DENND2B: variants seen among roughly 807,000 people sequenced by gnomAD.
DENND2B encodes DENN domain-containing protein 2B.
A neutral mutation model predicts 116.0 loss-of-function variants in DENND2B; 32 were observed. The observed-to-expected ratio is 0.28, with a 90% CI of 0.21 to 0.37. DENND2B has a LOEUF of 0.37. Among genes scored for constraint, DENND2B ranks in the 10% least tolerant of loss-of-function variants. DENND2B has a pLI of 1.00. For synonymous variants in DENND2B, 588 were observed against 583.9 expected (o/e 1.01, Z -0.10); for missense variants, 1,276 against 1,477.7 (o/e 0.86, Z 2.24).
At chr11:8,696,259 A>G (rs971186470) in intron 18 of DENND2B, among the ~76,000 whole-genome samples, 168 bp downstream of exon 18, 2 of 152,210 alleles carry the variant, frequency 1.3e-5, no homozygotes, top group Non-Finnish European at 2.9e-5. Flanking sequence ...GAAGGCATTT[A>G]CTGGGGCCGG....
intron 2 of DENND2B, among the ~76,000 whole-genome samples, chr11:8,741,868 C>T (rs145409456): frequency 1.6e-3 from 246 of 152,218 alleles, no homozygotes; most frequent in African/African-American, 5.6e-3. Flanking sequence ...AGCTACTGAG[C>T]CCCACCACAA....
chr11:8,743,582 A>G (rs1281075088), intron 2 of DENND2B, among the ~76,000 whole-genome samples: 1 of 152,044 alleles, frequency 6.6e-6, no homozygotes, highest in Non-Finnish European at 1.5e-5. Context: ...AATTACTTAA[A>G]GTGTTGCCTC....
chr11:8,694,153 G>A, intron 19 of DENND2B, 23 bp from the exon 20 acceptor site: 1 of 1,614,132 alleles, frequency 6.2e-7, no homozygotes, highest in South Asian at 1.1e-5. Context: ...GAGGACAAGA[G>A]AGAATGTTCA....
At chr11:8,835,881 T>C (rs911529275) in intron 4 of DENND2B, among the ~76,000 whole-genome samples, 2 of 152,174 alleles carry the variant, frequency 1.3e-5, no homozygotes, top group African/African-American at 2.4e-5. Context: ...CTACGGGGAA[T>C]GCTCACTGCC....
chr11:8,701,139 T>C (rs187522720), intron 14 of DENND2B, among the ~76,000 whole-genome samples: 2 of 152,288 alleles, frequency 1.3e-5, no homozygotes, highest in Non-Finnish European at 2.9e-5. Flanking sequence ...GCCCCGGCTC[T>C]TAGAGCCAGG....
chr11:8,698,972 C>T lies in DENND2B; in HGVS notation c.2901G>A (p.Ala967=), dbSNP rs780389190. The part of the protein sequence containing the change: ...PKLKELPVEE[A]LMVNLGSDRF... Reference sequence around the variant, plus strand: ...GGTCAGATCCCAGATTCACCATCAGCGCCTGAGAAAAGGAGTCATTAGCAG... The same window carrying T: ...GGTCAGATCCCAGATTCACCATCAGTGCCTGAGAAAAGGAGTCATTAGCAG... The change falls in exon 16 of 20, where the codon GCG becomes GCA. Residue 967 remains alanine, a splice_region_variant and synonymous_variant. Transcript: ENST00000313726. 4.3e-6 allele frequency: 7 copies of T among 1,614,026 alleles called. No individual in the cohort carries two copies. In the South Asian group the frequency reaches 4.4e-5, roughly 10 times the overall value.
rs773434154 is a variant in DENND2B, at chr11:8,699,223, G to C, written c.2888C>G (p.Pro963Arg). 16 of 1,567,260 alleles carry C rather than the reference G, an allele frequency of 1.0e-5. No homozygotes were observed. Among genetic ancestry groups the C allele is most frequent in the Non-Finnish European group, 1.4e-5 (16 of 1,161,808 alleles). Residue 963 changes from proline to arginine, a missense_variant, in exon 15 of 20, where the codon CCT (proline) becomes CGT (arginine). Pro to Arg is a moderately radical substitution (Grantham distance 103). Coordinates refer to ENST00000313726, the MANE Select transcript of DENND2B (RefSeq NM_213618.2). ...CCCCCGGTGGCCCACCTCCTCCACA[G>C]GCAGCTCCTTCAGTTTGGGGAGGGA... Reference protein sequence around the residue: ...SSSLPKLKELPVEEALMVNLG... With the variant: ...SSSLPKLKELRVEEALMVNLG...
At chr11:8,779,009 T>C (rs2058055294) in intron 1 of DENND2B, among the ~76,000 whole-genome samples, 1 of 152,256 alleles carries the variant, frequency 6.6e-6, no homozygotes, top group Admixed American at 6.5e-5. Flanking sequence ...ACAGTAATTA[T>C]TGATCACCAC....
At position 8,699,345 on chromosome 11, in the gene DENND2B, G is replaced by A. The variant is rs1223905453; in HGVS notation, c.2766C>T (p.Pro922=). ...GAATGAAGGTGTGCTGCCAGGAGAAGGGGTAGAGCAAGGCCACCACCGCGT... is the reference window on the plus strand; with the variant it reads ...GAATGAAGGTGTGCTGCCAGGAGAAAGGGTAGAGCAAGGCCACCACCGCGT... ...CSHAVVALLY[P]FSWQHTFIPV... is the part of the protein sequence containing the mutation. The change falls in exon 15 of 20, where the codon CCC becomes CCT. Residue 922 remains proline (P), a synonymous_variant. Coordinates refer to ENST00000313726, the MANE Select transcript of DENND2B (RefSeq NM_213618.2). The A allele has an allele frequency of 2.5e-6, 4 of 1,607,262 alleles. No individual in the cohort carries two copies. In the African/African-American group the frequency reaches 4.0e-5, roughly 16 times the overall value.
chr11:8,859,616 T>G (rs918466553), intron 2 of DENND2B, among the ~76,000 whole-genome samples: 1 of 152,208 alleles, frequency 6.6e-6, no homozygotes, highest in Non-Finnish European at 1.5e-5. Flanking sequence ...CCACGTGTTT[T>G]GCAAATACTC....
chr11:8,831,362 C>A (rs1013318868), intron 4 of DENND2B, among the ~76,000 whole-genome samples: 1 of 152,226 alleles, frequency 6.6e-6, no homozygotes, highest in Non-Finnish European at 1.5e-5. Flanking sequence ...AACCCACCTT[C>A]CCCACTACTC....
chr11:8,898,164 A>G (rs958921093), intron 1 of DENND2B, among the ~76,000 whole-genome samples: 3 of 152,148 alleles, frequency 2.0e-5, no homozygotes, highest in Non-Finnish European at 4.4e-5. Context: ...TTTAAGTACA[A>G]TCTCTTCCCA....
chr11:8,852,212 G>A (rs1016889698), intron 3 of DENND2B, among the ~76,000 whole-genome samples: 1 of 152,158 alleles, frequency 6.6e-6, no homozygotes, highest in African/African-American at 2.4e-5. Context: ...AGAAGGGCAG[G>A]GTGCAAGTGG....
chr11:8,769,342 A>C (rs1382916713), intron 1 of DENND2B, among the ~76,000 whole-genome samples: 1 of 150,266 alleles, frequency 6.7e-6, no homozygotes, highest in African/African-American at 2.5e-5. Context: ...GGTTCAAGTG[A>C]TTCTCGTGCC....
At chr11:8,747,978 C>T (rs1274589316) in intron 2 of DENND2B, among the ~76,000 whole-genome samples, 1 of 152,150 alleles carries the variant, frequency 6.6e-6, no homozygotes, top group Non-Finnish European at 1.5e-5. Context: ...AAATACACAC[C>T]TTGACAGTTA....
intron 18 of DENND2B, 170 bp from the exon 19 acceptor site, chr11:8,695,719 G>A (rs547821282): frequency 7.3e-5 from 45 of 613,742 alleles, no homozygotes; most frequent in Non-Finnish European, 1.1e-4. Context: ...TCATCAAGGC[G>A]ATCATTAGTG....
At chr11:8,780,468 A>G (rs2058265505) in intron 1 of DENND2B, among the ~76,000 whole-genome samples, 1 of 152,224 alleles carries the variant, frequency 6.6e-6, no homozygotes, top group African/African-American at 2.4e-5. Context: ...TCAAATGGCA[A>G]AAGAATACAG....
At chr11:8,696,389 G>GA (rs1394169598) in intron 18 of DENND2B, 38 bp downstream of exon 18, 1 of 1,608,798 alleles carries the variant, frequency 6.2e-7, no homozygotes, top group Non-Finnish European at 8.5e-7. Flanking sequence ...TGCTGTGGGT[G>GA]AAAAAATTAG....
chr11:8,765,238 A>G (rs2134141025), intron 1 of DENND2B, among the ~76,000 whole-genome samples: 1 of 152,284 alleles, frequency 6.6e-6, no homozygotes, highest in South Asian at 2.1e-4. Context: ...CAACTCCTTT[A>G]AGGGCCATGA....
Sources: gnomAD v4.1 joint callset for allele counts (sites outside exome capture counted in the v4.1 genomes callset) on GRCh38, gnomAD v4.1.1 for gene constraint, MANE v1.5 for transcripts, NCBI Gene and HGNC (gene_info 2026-07-23, HGNC 2026-07-21) for gene names.